The following WWOX variants were observed in gnomAD, a reference collection of about 807,000 sequenced individuals.
WWOX encodes the protein WW domain containing oxidoreductase.
WWOX carries 69 observed loss-of-function variants against 46.2 expected under a neutral mutation model. That is an observed-to-expected ratio of 1.49 (90% CI 1.23 to 1.82). The LOEUF is 1.82. Among genes scored for constraint, WWOX ranks in the 40% most tolerant of loss-of-function variants. The probability of loss-of-function intolerance (pLI) is 0.00; values close to 1 mark genes in which losing one functional copy is unlikely to be tolerated. For missense variants in WWOX, 919 were observed against 542.6 expected (o/e 1.69, Z -6.89); for synonymous variants, 359 against 202.6 (o/e 1.77, Z -6.56).
At chr16:78,212,207 T>C (rs896404505) in intron 5 of WWOX, among the ~76,000 whole-genome samples, 29 of 152,164 alleles carry the variant, frequency 1.9e-4, no homozygotes, top group Admixed American at 1.6e-3. Context: ...GGCAGTCTAG[T>C]GCTGTCACAG....
Position 78,278,568 on chromosome 16 carries a change from A to G in WWOX, c.517-108292A>G, listed in dbSNP as rs1408242383. 4 of 1,589,930 alleles carry G rather than the reference A, an allele frequency of 2.5e-6. No individual in the cohort carries two copies. In the African/African-American group the frequency reaches 5.4e-5, roughly 21 times the overall value. ...AGTTCTATGTTGTTCTCATAACTTA[A>G]TTTTACACAACTGTCTTTTGTTTGT... On this transcript the variant is annotated intron_variant, in intron 5 of 8. Coordinates refer to ENST00000566780, the MANE Select transcript of WWOX (RefSeq NM_016373.4).
intron 8 of WWOX, among the ~76,000 whole-genome samples, chr16:78,709,460 T>C (rs74585185): frequency 0.012 from 1,834 of 152,096 alleles, 38 homozygotes; most frequent in African/African-American, 0.041. Flanking sequence ...CTTGGTGAGA[T>C]TGGGATATTA....
intron 8 of WWOX, among the ~76,000 whole-genome samples, chr16:78,568,346 C>T (rs1337582122): frequency 6.6e-6 from 1 of 151,980 alleles, no homozygotes; most frequent in Non-Finnish European, 1.5e-5. Context: ...GAAAAATCCA[C>T]CCAGTGCAAG....
rs1347039950 is a variant in WWOX, at chr16:79,085,858, C to T, written c.1057-125750C>T. 6.6e-5 allele frequency among the ~76,000 whole-genome samples: 10 copies of T among 152,014 alleles called. No homozygotes were observed. The South Asian group carries it at 2.1e-3, about 32-fold the overall frequency. ...GCCAGGAGTTCAAGTCCAGCCTGGG[C>T]AACACAGTGAGACCTCATCACTACA... On this transcript the variant is annotated intron_variant, in intron 8 of 8. Coordinates refer to ENST00000566780, the MANE Select transcript of WWOX (RefSeq NM_016373.4).
At chr16:78,312,748 C>T (rs568215207) in intron 5 of WWOX, among the ~76,000 whole-genome samples, 11 of 152,322 alleles carry the variant, frequency 7.2e-5, no homozygotes, top group Middle Eastern at 3.4e-3. Context: ...GACTGAAGGT[C>T]GTCTGGCTTT....
chr16:78,843,914 G>C (rs757903406), intron 8 of WWOX, among the ~76,000 whole-genome samples: 1 of 152,064 alleles, frequency 6.6e-6, no homozygotes, highest in Non-Finnish European at 1.5e-5. Context: ...TGTCCACTCG[G>C]TTCCTAATGG....
chr16:78,456,163 G>T (rs142832113), intron 8 of WWOX, among the ~76,000 whole-genome samples: 1,697 of 152,314 alleles, frequency 0.011, 29 homozygotes, highest in African/African-American at 0.039. Flanking sequence ...CACAGCCTCT[G>T]TTGGCCCCAG....
chr16:78,879,888 AAG>A (rs1182374134), intron 8 of WWOX, among the ~76,000 whole-genome samples: 19 of 128,454 alleles, frequency 1.5e-4, no homozygotes, highest in African/African-American at 3.8e-4. Flanking sequence ...AAAAAAAAAA[AAG>A]AAGAAGAAGA....
At chr16:79,131,708 T>C (rs1000382082) in intron 8 of WWOX, among the ~76,000 whole-genome samples, 1 of 152,176 alleles carries the variant, frequency 6.6e-6, no homozygotes, top group African/African-American at 2.4e-5. Flanking sequence ...AAACAGGACA[T>C]GGGTGATCAA....
chr16:78,831,943 A>G (rs906242625), intron 8 of WWOX, among the ~76,000 whole-genome samples: 1 of 152,152 alleles, frequency 6.6e-6, no homozygotes, highest in Non-Finnish European at 1.5e-5. Flanking sequence ...ACTTTTGGTG[A>G]TAACTACCTG....
At position 78,900,061 on chromosome 16, in the gene WWOX, T is replaced by C. The variant is rs2044790801; in HGVS notation, c.1057-311547T>C. ...GCAATATACAAGCCCTCCTGACTTT[T>C]TTTTTTTTTTTTTTTTTTCCTGCAG... On this transcript the variant is annotated intron_variant, in intron 8 of 8. Coordinates refer to ENST00000566780, the MANE Select transcript of WWOX (RefSeq NM_016373.4). 4.3e-5 allele frequency among the ~76,000 whole-genome samples: 4 copies of C among 93,872 alleles called. No homozygotes were observed. The South Asian group carries it at 1.1e-3, about 26-fold the overall frequency. The allele number at this position is 93,872 out of a possible 152,430, so 61.6% of individuals were successfully genotyped here. A position where few individuals can be genotyped will look rare whatever the true frequency, so the allele number is the denominator to read the frequency against.
At chr16:79,187,827 C>T (rs931744652) in intron 8 of WWOX, among the ~76,000 whole-genome samples, 2 of 152,238 alleles carry the variant, frequency 1.3e-5, no homozygotes, top group Non-Finnish European at 2.9e-5. Context: ...CAGGCGTGAG[C>T]CACCATGCCT....
rs375330380 is a variant in WWOX, at chr16:78,591,912, C to T, written c.1056+159160C>T. On this transcript the variant is annotated intron_variant, in intron 8 of 8. Coordinates refer to ENST00000566780, the MANE Select transcript of WWOX (RefSeq NM_016373.4). Reference sequence around the variant, plus strand: ...AGTTTTCCAGAAAACCACCACTGACCACTCTCTGTACAGATGCGCTCAAGC... The same window carrying T: ...AGTTTTCCAGAAAACCACCACTGACTACTCTCTGTACAGATGCGCTCAAGC... Among the ~76,000 whole-genome samples, 312 of 152,298 alleles carry T rather than the reference C, an allele frequency of 2.0e-3. 2 individuals carry two copies. Among genetic ancestry groups the T allele is most frequent in the African/African-American group, 7.2e-3 (300 of 41,580 alleles).
intron 8 of WWOX, among the ~76,000 whole-genome samples, chr16:78,555,765 GA>G (rs1475000464): frequency 6.6e-6 from 1 of 152,052 alleles, no homozygotes; most frequent in Non-Finnish European, 1.5e-5. Context: ...GAGTGCAAAA[GA>G]AGCCTCTTGT....
intron 8 of WWOX, among the ~76,000 whole-genome samples, chr16:79,030,150 T>A (rs183480373): frequency 6.6e-6 from 1 of 152,352 alleles, no homozygotes; most frequent in East Asian, 1.9e-4. Context: ...GAATAAGTAA[T>A]GAAGTCTAAT....
intron 8 of WWOX, among the ~76,000 whole-genome samples, chr16:78,734,742 G>A (rs920669820): frequency 1.3e-5 from 2 of 149,600 alleles, no homozygotes; most frequent in Non-Finnish European, 1.5e-5. Context: ...AAGTGCCTGA[G>A]CTTCGTCTCA....
At chr16:78,108,187 A>T (rs966443830) in intron 1 of WWOX, among the ~76,000 whole-genome samples, 3 of 150,812 alleles carry the variant, frequency 2.0e-5, no homozygotes, top group African/African-American at 7.3e-5. Context: ...AGGGCTCCCA[A>T]AGTGCTGGGA....
At chr16:78,938,380 G>A (rs561602531) in intron 8 of WWOX, among the ~76,000 whole-genome samples, 5 of 152,130 alleles carry the variant, frequency 3.3e-5, no homozygotes, top group Non-Finnish European at 4.4e-5. Flanking sequence ...TCCTGGGATG[G>A]TGATATTTAT....
intron 8 of WWOX, among the ~76,000 whole-genome samples, chr16:78,799,385 G>C (rs563866935): frequency 6.6e-6 from 1 of 152,196 alleles, no homozygotes; most frequent in Non-Finnish European, 1.5e-5. Flanking sequence ...ATGCTCACAC[G>C]TCTGTGCTTG....
Sources: gnomAD v4.1 joint callset for allele counts (sites outside exome capture counted in the v4.1 genomes callset) on GRCh38, gnomAD v4.1.1 for gene constraint, MANE v1.5 for transcripts, NCBI Gene and HGNC (gene_info 2026-07-23, HGNC 2026-07-21) for gene names.